The following IGSF11 variants were observed in gnomAD, a reference collection of about 807,000 sequenced individuals.
The protein encoded by IGSF11 is immunoglobulin superfamily member 11, also known as CXADR like 1.
In IGSF11, 22 loss-of-function variants were observed where a neutral mutation model predicts 41.0. That is an observed-to-expected ratio of 0.54 (90% CI 0.38 to 0.77). The LOEUF is 0.77. Ranked by LOEUF, IGSF11 falls within the 30% of genes least tolerant of loss-of-function variation. The pLI is 0.00. For synonymous variants in IGSF11, 219 were observed against 201.3 expected, an observed-to-expected ratio of 1.09 and a Z score of -0.74; for missense variants, 444 against 530.8, an observed-to-expected ratio of 0.84 and a Z score of 1.61.
chr3:118,944,615 T>C (rs567973237), intron 1 of IGSF11, among the ~76,000 whole-genome samples: 4 of 152,238 alleles, frequency 2.6e-5, no homozygotes, highest in African/African-American at 9.6e-5. Context: ...ACTTCCTTGA[T>C]ATAGTCACGA....
intron 1 of IGSF11, among the ~76,000 whole-genome samples, chr3:118,976,518 G>A (rs1317212805): frequency 6.6e-6 from 1 of 152,198 alleles, no homozygotes; most frequent in Non-Finnish European, 1.5e-5. Flanking sequence ...TACCACTGCT[G>A]CCATGATCTG....
intron 1 of IGSF11, among the ~76,000 whole-genome samples, chr3:119,047,777 C>A (rs950858708): frequency 1.3e-5 from 2 of 151,976 alleles, no homozygotes; most frequent in East Asian, 1.9e-4. Context: ...TGTAAAAGAA[C>A]AGAAATTATA....
At position 119,112,639 on chromosome 3, in the gene IGSF11, G is replaced by T. The variant is rs1028447300; in HGVS notation, c.-13-7434C>A. The stretch of plus-strand genomic sequence containing the variant: ...ACTGTCTGGCACTCCCTAGTAAGAT[G>T]AACCCAGTACCTCAGATGGAAATGC... On this transcript the variant is annotated intron_variant, in intron 1 of 7. Coordinates refer to the IGSF11 transcript ENST00000425327. 5 of 153,942 alleles carry T rather than the reference G, an allele frequency of 3.2e-5. 1 individual carries two copies. The highest frequency in any genetic ancestry group is 3.8e-4 in the East Asian group (2 of 5,230). 9.5% of individuals were successfully genotyped at this position (153,942 alleles called of 1,614,324 possible).
Position 118,933,470 on chromosome 3 carries a change from T to TTATATATATA in IGSF11, c.53-3205_53-3196dup, listed in dbSNP as rs1553754813. Among the ~76,000 whole-genome samples, 97 of 146,166 alleles carry TTATATATATA rather than the reference T, an allele frequency of 6.6e-4. 1 individual carries two copies. The highest frequency in any genetic ancestry group is 9.6e-4 in the Non-Finnish European group (64 of 66,726). Reference sequence around the variant, plus strand: ...TCTCTCTACATATAACATGTATTTTTTATATATATATATATATATACACAC... The same window carrying TTATATATATA: ...TCTCTCTACATATAACATGTATTTTTTATATATATATATATATATATATATATATACACAC... On this transcript the variant is annotated intron_variant, in intron 1 of 6. Transcript: ENST00000393775.
At chr3:118,977,498 C>T (rs149836606) in intron 1 of IGSF11, among the ~76,000 whole-genome samples, 1 of 152,240 alleles carries the variant, frequency 6.6e-6, no homozygotes, top group African/African-American at 2.4e-5. Flanking sequence ...TAAGAAGAAA[C>T]AAAATAGTGA....
At chr3:118,935,379 C>T (rs1943185032) in intron 1 of IGSF11, among the ~76,000 whole-genome samples, 1 of 115,528 alleles carries the variant, frequency 8.7e-6, no homozygotes, top group African/African-American at 3.7e-5. Context: ...GATATATACA[C>T]ACACACACAC....
chr3:118,926,836 G>C (rs896360595), intron 3 of IGSF11, among the ~76,000 whole-genome samples: 1 of 151,932 alleles, frequency 6.6e-6, no homozygotes, highest in Non-Finnish European at 1.5e-5. Flanking sequence ...AAAAAACATG[G>C]AACAAAAATT....
intron 1 of IGSF11, among the ~76,000 whole-genome samples, chr3:119,076,348 T>C (rs2076499203): frequency 6.6e-6 from 1 of 152,144 alleles, no homozygotes; most frequent in African/African-American, 2.4e-5. Flanking sequence ...GACATAGGCA[T>C]GGGCAAGGAC....
chr3:119,080,174 C>T (rs566412078), intron 1 of IGSF11, among the ~76,000 whole-genome samples: 7 of 152,194 alleles, frequency 4.6e-5, no homozygotes, highest in African/African-American at 1.4e-4. Context: ...ACATATGACT[C>T]TCTAAACTGC....
intron 1 of IGSF11, among the ~76,000 whole-genome samples, chr3:118,972,798 GC>G (rs1420555533): frequency 3.3e-5 from 5 of 152,114 alleles, no homozygotes; most frequent in African/African-American, 1.2e-4. Context: ...GAGTTAAGTA[GC>G]CCCTGAAGAA....
chr3:119,016,562 T>C (rs10934472), intron 1 of IGSF11, among the ~76,000 whole-genome samples: 22,169 of 152,188 alleles, frequency 0.15, 1,675 homozygotes, highest in East Asian at 0.19. Context: ...ATTATATGCA[T>C]AACAGAGCTT....
intron 1 of IGSF11, among the ~76,000 whole-genome samples, chr3:119,090,292 A>G (rs2076743095): frequency 6.6e-6 from 1 of 152,232 alleles, no homozygotes; most frequent in East Asian, 1.9e-4. Flanking sequence ...TCAACATTGT[A>G]AACATGGCCA....
chr3:119,055,221 TG>T (rs1397519522), intron 1 of IGSF11, among the ~76,000 whole-genome samples: 1 of 151,878 alleles, frequency 6.6e-6, no homozygotes, highest in African/African-American at 2.4e-5. Context: ...ACCACAAAGA[TG>T]GGGAAAAAAC....
intron 1 of IGSF11, among the ~76,000 whole-genome samples, chr3:119,045,063 C>T (rs6796284): frequency 0.17 from 26,560 of 152,222 alleles, 2,828 homozygotes; most frequent in South Asian, 0.29. Flanking sequence ...AATACTAACA[C>T]TGAATGTAAA....
chr3:119,025,626 AATTTAAAGCCAGTAT>A (rs1939743866), intron 1 of IGSF11, among the ~76,000 whole-genome samples: 4 of 152,070 alleles, frequency 2.6e-5, no homozygotes, highest in Non-Finnish European at 4.4e-5. Context: ...GATGAGTCAT[AATTTAAAGCCAGTAT>A]GTTTGACTAT....
At position 118,902,561 on chromosome 3, in the gene IGSF11, C is replaced by T; in HGVS notation, c.1255G>A (p.Val419Ile). The change falls in exon 7 of 7, where the codon GTC becomes ATC. Residue 419 changes from valine (V) to isoleucine (I), a missense_variant. Around this residue, in one of 3 missense-constraint regions of IGSF11, gnomAD observed 223 missense variants for 226.2 expected, o/e 0.99. Coordinates refer to ENST00000393775, the MANE Select transcript of IGSF11 (RefSeq NM_001015887.3). The part of the protein sequence containing the change: ...ATLERIGAVP[V>I]MVPAQSRAGS... ...GCCCGACTCTGGGCTGGTACCATGA[C>T]AGGTACTGCACCAATTCGTTCCAGT... 1 of 1,594,936 alleles carries T rather than the reference C, an allele frequency of 6.3e-7. No individual in the cohort carries two copies.
chr3:119,004,501 C>T (rs1486603432), intron 1 of IGSF11, among the ~76,000 whole-genome samples: 2 of 146,528 alleles, frequency 1.4e-5, no homozygotes, highest in East Asian at 2.0e-4. Flanking sequence ...TTGCCTTCTG[C>T]TAGCTTTTGA....
intron 1 of IGSF11, among the ~76,000 whole-genome samples, chr3:119,120,271 A>G (rs2077314690): frequency 6.6e-6 from 1 of 152,218 alleles, no homozygotes; most frequent in African/African-American, 2.4e-5. Flanking sequence ...TTAAAAACAA[A>G]AGCAATAACT....
chr3:119,050,009 T>G (rs1413590174), intron 1 of IGSF11, among the ~76,000 whole-genome samples: 1 of 146,618 alleles, frequency 6.8e-6, no homozygotes, highest in Non-Finnish European at 1.5e-5. Context: ...CAAGATGGAT[T>G]AAAGACTTAA....
Sources: allele counts gnomAD v4.1 joint callset (sites outside exome capture counted in the v4.1 genomes callset), GRCh38; gene constraint gnomAD v4.1.1; regional missense constraint gnomAD v4.1.1; transcripts MANE v1.5; gene names NCBI Gene and HGNC (gene_info 2026-07-23, HGNC 2026-07-21).